KCNK10: variants seen among roughly 807,000 people sequenced by gnomAD.
The protein encoded by KCNK10 is potassium two pore domain channel subfamily K member 10.
A neutral mutation model predicts 47.7 loss-of-function variants in KCNK10; 25 were observed. The ratio of observed to expected loss-of-function variants is 0.52; its 90% CI spans 0.38 to 0.73. The LOEUF is 0.73. Among genes scored for constraint, KCNK10 ranks in the 30% least tolerant of loss-of-function variants. The probability of loss-of-function intolerance (pLI) is 0.00; values close to 1 mark genes in which losing one functional copy is unlikely to be tolerated. For missense variants in KCNK10, 563 were observed against 714.5 expected, an observed-to-expected ratio of 0.79 and a Z score of 2.42; for synonymous variants, 303 against 285.6, an observed-to-expected ratio of 1.06 and a Z score of -0.61.
upstream of KCNK10, among the ~76,000 whole-genome samples, chr14:88,324,872 G>A (rs1888629115): frequency 6.6e-6 from 1 of 152,196 alleles, no homozygotes; most frequent in South Asian, 2.1e-4. Flanking sequence ...GAGGTCCGCT[G>A]TGGTCTGTGG....
At chr14:88,193,523 C>T (rs752081777) in intron 4 of KCNK10, among the ~76,000 whole-genome samples, 3 of 152,122 alleles carry the variant, frequency 2.0e-5, no homozygotes, top group Non-Finnish European at 2.9e-5. Context: ...AATATATGAA[C>T]GATGTGTTTA....
chr14:88,228,656 T>C (rs955554817), intron 3 of KCNK10, among the ~76,000 whole-genome samples: 3 of 152,194 alleles, frequency 2.0e-5, no homozygotes, highest in African/African-American at 4.8e-5. Flanking sequence ...TAAAAAAACG[T>C]TGATGGTTAG....
At chr14:88,227,333 T>A (rs757624465) in intron 4 of KCNK10, 42 bp downstream of exon 4, 1 of 1,517,920 alleles carries the variant, frequency 6.6e-7, no homozygotes, top group East Asian at 2.3e-5. Context: ...TAAAGCCAAC[T>A]GGATCACAGT....
intron 1 of KCNK10, among the ~76,000 whole-genome samples, chr14:88,291,009 G>A (rs1302984186): frequency 1.3e-5 from 2 of 152,206 alleles, no homozygotes; most frequent in African/African-American, 4.8e-5. Context: ...CCTGACAGGT[G>A]GTCCCTCTGC....
chr14:88,317,226 T>C (rs958670990), intron 1 of KCNK10, among the ~76,000 whole-genome samples: 6 of 152,206 alleles, frequency 3.9e-5, no homozygotes, highest in Non-Finnish European at 7.3e-5. Context: ...AAATCAAAAA[T>C]AGATTATTTT....
intron 4 of KCNK10, among the ~76,000 whole-genome samples, chr14:88,201,273 C>T (rs752830688): frequency 2.6e-5 from 4 of 152,194 alleles, no homozygotes; most frequent in South Asian, 2.1e-4. Flanking sequence ...TAAATGCATA[C>T]ATGATTCATT....
intron 1 of KCNK10, among the ~76,000 whole-genome samples, chr14:88,275,617 G>A (rs956058801): frequency 1.3e-5 from 2 of 150,648 alleles, no homozygotes; most frequent in Non-Finnish European, 2.9e-5. Flanking sequence ...GTGAGGCCGA[G>A]GCAGGGGATC....
In KCNK10 at chr14:88,185,835, G is replaced by T; in HGVS notation, c.1332C>A (p.Ser444=). 6.2e-7 allele frequency: 1 copy of T among 1,614,124 alleles called. No individual in the cohort carries two copies. Among genetic ancestry groups the T allele is most frequent in the Non-Finnish European group, 8.5e-7 (1 of 1,180,030 alleles). ...CGAACTTGTTGATGATGTTGTCCTC[G>T]GACGCACCCTGCCCATGCTTGTTCA... ...EQLNKHGQGA[S]EDNIINKFGS... Residue 444 remains serine, a synonymous_variant, in exon 7 of 7, where the codon TCC becomes TCA. Transcript: ENST00000319231. This position sits in a 1 kb window ranked among gnomAD's most constrained non-coding sequence, Gnocchi z 4.3.
intron 2 of KCNK10, among the ~76,000 whole-genome samples, chr14:88,252,121 C>T (rs745668517): frequency 2.0e-5 from 3 of 152,004 alleles, no homozygotes; most frequent in Non-Finnish European, 4.4e-5. Flanking sequence ...TGCCATGTTG[C>T]CCAGGCTGGT....
intron 4 of KCNK10, among the ~76,000 whole-genome samples, chr14:88,204,838 C>T (rs1240015185): frequency 6.6e-6 from 1 of 152,200 alleles, no homozygotes; most frequent in African/African-American, 2.4e-5. Context: ...CCACTATCAA[C>T]ATCCCATGCC....
At chr14:88,258,773 C>T (rs1302349295) in intron 2 of KCNK10, among the ~76,000 whole-genome samples, 1 of 152,218 alleles carries the variant, frequency 6.6e-6, no homozygotes, top group East Asian at 1.9e-4. Context: ...GCCCATTACT[C>T]TCCTCTGGAG....
At chr14:88,212,587 T>C (rs1427241281) in intron 4 of KCNK10, among the ~76,000 whole-genome samples, 1 of 152,186 alleles carries the variant, frequency 6.6e-6, no homozygotes. Context: ...TTGTTTATTC[T>C]GTCCACTGGC....
intron 1 of KCNK10, among the ~76,000 whole-genome samples, chr14:88,288,042 G>A (rs1006684832): frequency 2.0e-5 from 3 of 151,988 alleles, no homozygotes; most frequent in South Asian, 2.1e-4. Context: ...ATTCTTGCAG[G>A]GGTAAGGCAG....
At chr14:88,189,016 G>A (rs1318763215) in intron 5 of KCNK10, among the ~76,000 whole-genome samples, 1 of 152,188 alleles carries the variant, frequency 6.6e-6, no homozygotes, top group Non-Finnish European at 1.5e-5. Context: ...AAACGCTATT[G>A]CCTAAGGAAG....
At chr14:88,243,227 G>A (rs1002598832) in intron 2 of KCNK10, among the ~76,000 whole-genome samples, 4 of 152,230 alleles carry the variant, frequency 2.6e-5, no homozygotes, top group Admixed American at 6.5e-5. Context: ...TTCGCCAGGT[G>A]CACTAGAAGC....
At chr14:88,230,839 T>C (rs944763775) in intron 3 of KCNK10, among the ~76,000 whole-genome samples, 1 of 152,202 alleles carries the variant, frequency 6.6e-6, no homozygotes, top group African/African-American at 2.4e-5. Context: ...TTCTCATAGA[T>C]AAAATGAGGC....
rs1885209517 is a variant in KCNK10, at chr14:88,204,734, A to AT, written c.682-12325dup. On this transcript the variant is annotated intron_variant, in intron 4 of 6. Transcript: ENST00000319231. ...ACTTCAGTGCCTTTTTCAAGATTTG[A>AT]TTTTTTTAGAACCATTTTTGCTTCA... is the stretch of plus-strand genomic sequence containing the variant. Among the ~76,000 whole-genome samples the AT allele has an allele frequency of 4.6e-5, 7 of 151,986 alleles. No homozygotes were observed. The South Asian group carries it at 1.5e-3, about 32-fold the overall frequency.
At chr14:88,207,544 GTC>G (rs1240072943) in intron 4 of KCNK10, among the ~76,000 whole-genome samples, 9 of 152,246 alleles carry the variant, frequency 5.9e-5, no homozygotes, top group African/African-American at 1.9e-4. Context: ...GATAGGGGAT[GTC>G]TCACTATGCT....
intron 1 of KCNK10, among the ~76,000 whole-genome samples, chr14:88,293,227 C>T (rs1406556222): frequency 6.6e-6 from 1 of 152,114 alleles, no homozygotes; most frequent in African/African-American, 2.4e-5. Context: ...TATAGCCACC[C>T]CTTCTCATTA....
Sources: allele counts gnomAD v4.1 joint callset (sites outside exome capture counted in the v4.1 genomes callset), GRCh38; gene constraint gnomAD v4.1.1; non-coding constraint Gnocchi (gnomAD v3.1); transcripts MANE v1.5; gene names NCBI Gene and HGNC (gene_info 2026-07-23, HGNC 2026-07-21).